Variants in SRC observed in about 807,000 individuals in gnomAD.
SRC encodes SRC proto-oncogene, non-receptor tyrosine kinase.
A neutral mutation model predicts 62.9 loss-of-function variants in SRC; 13 were observed. That is an observed-to-expected ratio of 0.21 (90% CI 0.13 to 0.33). The LOEUF (loss-of-function observed/expected upper bound fraction) is 0.33. Ranked by LOEUF, SRC falls within the 10% of genes least tolerant of loss-of-function variation. SRC has a pLI of 1.00. For synonymous variants in SRC, 302 were observed against 317.5 expected (o/e 0.95, Z 0.52); for missense variants, 457 against 737.3 (o/e 0.62, Z 4.40).
At chr20:37,352,111 C>T (rs2069812057) in intron 1 of SRC, among the ~76,000 whole-genome samples, 1 of 152,196 alleles carries the variant, frequency 6.6e-6, no homozygotes, top group Non-Finnish European at 1.5e-5. Context: ...GGCTTGGCCA[C>T]TTGTTTGCTG....
rs146322664 is a variant in SRC at position 37,347,751 on chromosome 20, G to A, written c.-247+1496G>A. ...CACCTTTTAGGAGGTACAGACTCTT[G>A]TTTATCTTCATTTTGCTGATGGGGA... is the stretch of plus-strand genomic sequence containing the variant. On this transcript the variant is annotated intron_variant, in intron 1 of 13. Transcript: ENST00000373578. Among the ~76,000 whole-genome samples, 3 of 152,298 alleles carry A rather than the reference G, an allele frequency of 2.0e-5. No individual in the cohort carries two copies. The East Asian group carries it at 5.8e-4, about 29-fold the overall frequency.
At chr20:37,377,275 T>G (rs969094872) in intron 2 of SRC, among the ~76,000 whole-genome samples, 2 of 152,248 alleles carry the variant, frequency 1.3e-5, no homozygotes, top group African/African-American at 4.8e-5. Context: ...TACTTTTCAG[T>G]TGTTAGGTTT....
chr20:37,373,828 T>C (rs1487224998), intron 2 of SRC, among the ~76,000 whole-genome samples: 1 of 152,198 alleles, frequency 6.6e-6, no homozygotes, highest in Non-Finnish European at 1.5e-5. Flanking sequence ...AGGACAACTT[T>C]TGGACTCTAT....
At position 37,396,827 on chromosome 20, in the gene SRC, A is replaced by G. The variant is rs6018273; in HGVS notation, c.703+516A>G. On this transcript the variant is annotated intron_variant, in intron 8 of 13. Transcript: ENST00000373578. This position sits in a 1 kb window ranked among gnomAD's most constrained non-coding sequence, Gnocchi z 6.1. ...TGTAGCCCACCCACCTGGGCATCCG[A>G]AGCTGACTGCAGTGTCGGGCCTGTG... 160,304 of 160,304 alleles carry G rather than the reference A, an allele frequency of 1. 80,152 individuals are homozygous for G. The highest frequency in any genetic ancestry group is 1 in the Non-Finnish European group (72,922 of 72,922). 9.9% of individuals were successfully genotyped at this position (160,304 alleles called of 1,614,324 possible).
chr20:37,367,737 C>T (rs1600972097), intron 2 of SRC, among the ~76,000 whole-genome samples: 1 of 151,890 alleles, frequency 6.6e-6, no homozygotes, highest in Non-Finnish European at 1.5e-5. Context: ...ACCTCAAATT[C>T]CTGGGCTCAA....
intron 1 of SRC, among the ~76,000 whole-genome samples, chr20:37,357,552 T>C (rs1360984110): frequency 6.6e-6 from 1 of 152,176 alleles, no homozygotes; most frequent in Non-Finnish European, 1.5e-5. Context: ...CTGCAGAGTA[T>C]TAAATTATAG....
intron 1 of SRC, among the ~76,000 whole-genome samples, chr20:37,360,225 T>G (rs1416344203): frequency 7.3e-6 from 1 of 137,324 alleles, no homozygotes; most frequent in Admixed American, 7.0e-5. Flanking sequence ...TCTCTTTTTT[T>G]TTTTTTTTTT....
intron 1 of SRC, among the ~76,000 whole-genome samples, chr20:37,350,889 A>AC (rs1176505432): frequency 1.3e-5 from 2 of 152,166 alleles, no homozygotes; most frequent in Admixed American, 6.5e-5. Flanking sequence ...AGAGTATTGT[A>AC]TGTGTGCCAT....
chr20:37,369,696 A>G (rs933739239), intron 2 of SRC, among the ~76,000 whole-genome samples: 34 of 151,744 alleles, frequency 2.2e-4, no homozygotes, highest in African/African-American at 8.0e-4. Context: ...GTGAGGGTAG[A>G]TATTCTTTTC....
At chr20:37,359,383 A>G (rs776377407) in intron 1 of SRC, among the ~76,000 whole-genome samples, 14 of 152,262 alleles carry the variant, frequency 9.2e-5, no homozygotes, top group Non-Finnish European at 1.6e-4. Context: ...GAAACTGCAC[A>G]CACAGCCCGT....
Position 37,403,111 on chromosome 20 carries a change from C to T in SRC, c.1403-60C>T. On this transcript the variant is annotated intron_variant, in intron 13 of 13. Coordinates refer to ENST00000373578, the MANE Select transcript of SRC (RefSeq NM_198291.3). This position sits in a 1 kb window ranked among gnomAD's most constrained non-coding sequence, Gnocchi z 7.1. ...AAGCCCTCGCTGCCCTCCCCATCAG[C>T]TTCCCCCACCCCACTTTCCTCACCG... The T allele has an allele frequency of 6.8e-7, 1 of 1,471,092 alleles. No homozygotes were observed. The allele number at this position is 1,471,092 out of a possible 1,614,324, so 91.1% of individuals were successfully genotyped here.
chr20:37,379,331 G>C (rs942240377), intron 2 of SRC, among the ~76,000 whole-genome samples: 1 of 152,092 alleles, frequency 6.6e-6, no homozygotes, highest in East Asian at 1.9e-4. Context: ...AGAGATGAGG[G>C]GGGTTGGCCC....
chr20:37,355,994 G>A (rs2069877320), intron 1 of SRC, among the ~76,000 whole-genome samples: 1 of 152,172 alleles, frequency 6.6e-6, no homozygotes, highest in Non-Finnish European at 1.5e-5. Flanking sequence ...TGCTGCAGGT[G>A]TGGAGGACAG....
At chr20:37,365,742 C>G (rs1454218676) in intron 2 of SRC, among the ~76,000 whole-genome samples, 1 of 152,080 alleles carries the variant, frequency 6.6e-6, no homozygotes, top group Non-Finnish European at 1.5e-5. Flanking sequence ...ATGCACCACA[C>G]CCAGCCAGTT....
chr20:37,362,947 G>T (rs1233029152), intron 1 of SRC, among the ~76,000 whole-genome samples: 3 of 152,174 alleles, frequency 2.0e-5, no homozygotes, highest in Non-Finnish European at 4.4e-5. Flanking sequence ...AATTGACATA[G>T]CTCCCTCGCC....
intron 3 of SRC, chr20:37,383,849 A>G (rs1469847263): frequency 2.9e-6 from 1 of 339,950 alleles, no homozygotes; most frequent in East Asian, 8.3e-5. Flanking sequence ...CTCCTGCCTC[A>G]CCCTCCGGAG....
chr20:37,401,065 T>C (rs184468957), intron 10 of SRC, among the ~76,000 whole-genome samples: 1 of 152,156 alleles, frequency 6.6e-6, no homozygotes, highest in African/African-American at 2.4e-5. Flanking sequence ...GGCGTGATCA[T>C]AGCTCACTGC....
intron 1 of SRC, among the ~76,000 whole-genome samples, chr20:37,347,155 G>A (rs991429294): frequency 1.3e-5 from 2 of 152,278 alleles, no homozygotes; most frequent in Non-Finnish European, 2.9e-5. Context: ...AGTGGACAGA[G>A]CCTGTGTGTG....
In SRC at chr20:37,396,292, G is replaced by A. The variant is rs145263468; in HGVS notation, c.684G>A (p.Gln228=). The A allele has an allele frequency of 1.7e-4, 277 of 1,613,718 alleles. No individual in the cohort carries two copies. In the African/African-American group the frequency reaches 3.4e-3, roughly 20 times the overall value. ...GCACCCAGTTCAACAGCCTGCAGCAGCTGGTGGCCTACTACTCCAGTGAGC... is the reference window on the plus strand; with the variant it reads ...GCACCCAGTTCAACAGCCTGCAGCAACTGGTGGCCTACTACTCCAGTGAGC... ...TSRTQFNSLQ[Q]LVAYYSKHAD... The change falls in exon 8 of 14, where the codon CAG becomes CAA. Residue 228 remains glutamine, a synonymous_variant. Transcript: ENST00000373578. The surrounding 1 kb of genome is among the most constrained non-coding windows in gnomAD (Gnocchi z 6.1).
Sources: allele counts gnomAD v4.1 joint callset (sites outside exome capture counted in the v4.1 genomes callset), GRCh38; gene constraint gnomAD v4.1.1; non-coding constraint Gnocchi (gnomAD v3.1); transcripts MANE v1.5; gene names NCBI Gene and HGNC (gene_info 2026-07-23, HGNC 2026-07-21).